SOX6: variants seen among roughly 807,000 people sequenced by gnomAD.
The protein encoded by SOX6 is transcription factor SOX-6.
In SOX6, 11 loss-of-function variants were observed where a neutral mutation model predicts 97.8. The ratio of observed to expected loss-of-function variants is 0.11; its 90% CI spans 0.07 to 0.19. The LOEUF (loss-of-function observed/expected upper bound fraction) is 0.19. Among genes scored for constraint, SOX6 ranks in the 10% least tolerant of loss-of-function variants. SOX6 has a pLI of 1.00. For synonymous variants in SOX6, 360 were observed against 371.4 expected (o/e 0.97, Z 0.35); for missense variants, 810 against 1,039.5 (o/e 0.78, Z 3.04).
At chr11:16,445,789 T>C (rs1343403644) in intron 1 of SOX6, among the ~76,000 whole-genome samples, 1 of 152,096 alleles carries the variant, frequency 6.6e-6, no homozygotes, top group African/African-American at 2.4e-5. Flanking sequence ...ATTGAACAAG[T>C]CTATCTCCTT....
intron 3 of SOX6, among the ~76,000 whole-genome samples, chr11:16,660,067 C>T (rs1847754601): frequency 6.6e-6 from 1 of 152,044 alleles, no homozygotes. Flanking sequence ...TTCAAAGAGC[C>T]AACTTTGGTT....
intron 13 of SOX6, among the ~76,000 whole-genome samples, chr11:16,008,621 C>CT (rs770043320): frequency 1.3e-5 from 2 of 152,060 alleles, no homozygotes; most frequent in Admixed American, 6.6e-5. Context: ...CCCATCAGGA[C>CT]TATACATCAC....
At chr11:16,015,397 A>G in intron 12 of SOX6, 1 of 287,194 alleles carries the variant, frequency 3.5e-6, no homozygotes, top group Non-Finnish European at 6.7e-6. Context: ...AGCAGTTCTT[A>G]TTAAAATACA....
At chr11:16,379,573 A>G (rs1196413345) in intron 1 of SOX6, among the ~76,000 whole-genome samples, 4 of 152,202 alleles carry the variant, frequency 2.6e-5, no homozygotes, top group East Asian at 1.9e-4. Context: ...TAGTTGTCAT[A>G]TTGACAATGG....
intron 3 of SOX6, chr11:16,264,531 A>G (rs1275688994): frequency 1.3e-5 from 2 of 152,000 alleles, no homozygotes; most frequent in Admixed American, 6.6e-5. Flanking sequence ...GTCAACAAAC[A>G]GCTTTTTGCA....
intron 1 of SOX6, among the ~76,000 whole-genome samples, chr11:16,409,925 C>CCACATGTT (rs1858765374): frequency 6.6e-6 from 1 of 151,814 alleles, no homozygotes; most frequent in South Asian, 2.1e-4. Flanking sequence ...AAACCAAAAA[C>CCACATGTT]CACATGTTCT....
At chr11:16,117,198 C>G (rs2134001940) in intron 6 of SOX6, among the ~76,000 whole-genome samples, 1 of 151,968 alleles carries the variant, frequency 6.6e-6, no homozygotes, top group Non-Finnish European at 1.5e-5. Flanking sequence ...ACTAGAAGTA[C>G]AAAAATTAGC....
At chr11:16,573,415 A>C (rs1057410493) in intron 4 of SOX6, among the ~76,000 whole-genome samples, 2 of 152,230 alleles carry the variant, frequency 1.3e-5, no homozygotes, top group African/African-American at 4.8e-5. Context: ...GTTTAAAAAG[A>C]ATAGGCCAAA....
chr11:16,132,273 AG>A (rs1849766305), intron 6 of SOX6, among the ~76,000 whole-genome samples: 2 of 10,136 alleles, frequency 2.0e-4, no homozygotes, highest in Admixed American at 1.7e-3. Flanking sequence ...GAAAGAAGGA[AG>A]GAAGGAAGGA....
intron 2 of SOX6, among the ~76,000 whole-genome samples, chr11:16,324,085 G>A (rs1317410423): frequency 6.6e-6 from 1 of 151,986 alleles, no homozygotes; most frequent in Non-Finnish European, 1.5e-5. Context: ...TTGGGAGGCT[G>A]AGGGGAGAAA....
At chr11:16,156,892 T>C (rs1026515544) in intron 6 of SOX6, among the ~76,000 whole-genome samples, 1 of 152,076 alleles carries the variant, frequency 6.6e-6, no homozygotes, top group Non-Finnish European at 1.5e-5. Flanking sequence ...TTAACCTATT[T>C]TTCTTCATAG....
At chr11:16,531,294 T>A in intron 4 of SOX6, among the ~76,000 whole-genome samples, 1 of 151,560 alleles carries the variant, frequency 6.6e-6, no homozygotes, top group Admixed American at 6.6e-5. Context: ...CCTAATATTA[T>A]TTTTCAGCAA....
chr11:16,354,004 T>C (rs924394342), intron 1 of SOX6, among the ~76,000 whole-genome samples: 1 of 152,024 alleles, frequency 6.6e-6, no homozygotes, highest in African/African-American at 2.4e-5. Context: ...TTTGCATCCA[T>C]GGTGCCTAGA....
intron 3 of SOX6, among the ~76,000 whole-genome samples, chr11:16,268,028 A>G (rs1168870976): frequency 6.6e-6 from 1 of 151,402 alleles, no homozygotes; most frequent in African/African-American, 2.4e-5. Flanking sequence ...AATGGTGGTT[A>G]CCAGAGTCTA....
At position 16,374,580 on chromosome 11, in the gene SOX6, A is replaced by T. The variant is rs535940563; in HGVS notation, c.-4-33328T>A. 2.6e-5 allele frequency among the ~76,000 whole-genome samples: 4 copies of T among 152,232 alleles called. No individual in the cohort carries two copies. In the East Asian group the frequency reaches 5.8e-4, roughly 22 times the overall value. On this transcript the variant is annotated intron_variant, in intron 1 of 15. Transcript: ENST00000396356. ...TCCTTTTCTCCTATTTAGCACCCTA[A>T]GAGTGTTATTTAAGAAACACATGCC...
intron 3 of SOX6, among the ~76,000 whole-genome samples, chr11:16,245,297 C>T (rs560185495): frequency 4.0e-5 from 6 of 151,536 alleles, no homozygotes; most frequent in African/African-American, 1.5e-4. Flanking sequence ...AGAAAATATA[C>T]CCATTATAGT....
intron 5 of SOX6, 32 bp downstream of exon 5, chr11:16,186,751 T>C (rs1344587998): frequency 3.7e-6 from 6 of 1,610,720 alleles, no homozygotes; most frequent in African/African-American, 1.3e-5. Flanking sequence ...ATTCCACATC[T>C]CCAGTTCGTC....
At chr11:16,713,167 C>A (rs1043653784) in intron 3 of SOX6, among the ~76,000 whole-genome samples, 9 of 151,976 alleles carry the variant, frequency 5.9e-5, no homozygotes. Context: ...ATAGGTGCAT[C>A]CAAACTATAC....
chr11:16,028,675 T>C (rs1855274333), intron 12 of SOX6, among the ~76,000 whole-genome samples: 1 of 152,180 alleles, frequency 6.6e-6, no homozygotes, highest in Non-Finnish European at 1.5e-5. Context: ...GAAGCTAATA[T>C]CCCAGATAGA....
Sources: gnomAD v4.1 joint callset for allele counts (sites outside exome capture counted in the v4.1 genomes callset) on GRCh38, gnomAD v4.1.1 for gene constraint, MANE v1.5 for transcripts, NCBI Gene and HGNC (gene_info 2026-07-23, HGNC 2026-07-21) for gene names.